The following SEMA5A variants were observed in gnomAD, a reference collection of about 807,000 sequenced individuals.
SEMA5A encodes semaphorin 5A.
In SEMA5A, 55 loss-of-function variants were observed where a neutral mutation model predicts 135.5. That is an observed-to-expected ratio of 0.41 (90% CI 0.33 to 0.51). SEMA5A has a LOEUF of 0.51. SEMA5A is among the 20% of genes least tolerant of loss of function. The pLI is 0.37. For missense variants in SEMA5A, 1,290 were observed against 1,419.9 expected, an observed-to-expected ratio of 0.91 and a Z score of 1.47; for synonymous variants, 580 against 546.5, an observed-to-expected ratio of 1.06 and a Z score of -0.85.
intron 16 of SEMA5A, among the ~76,000 whole-genome samples, chr5:9,092,399 A>G (rs546381352): frequency 1.3e-5 from 2 of 152,358 alleles, no homozygotes; most frequent in Admixed American, 6.5e-5. Flanking sequence ...GAGGCTCTCT[A>G]TAATAGTTGC....
At chr5:9,341,277 C>T (rs747136478) in intron 3 of SEMA5A, among the ~76,000 whole-genome samples, 2 of 151,918 alleles carry the variant, frequency 1.3e-5, no homozygotes, top group African/African-American at 2.4e-5. Flanking sequence ...GCAAGGATGG[C>T]TCAGCAAGCT....
intron 5 of SEMA5A, among the ~76,000 whole-genome samples, chr5:9,311,153 G>T (rs1355571855): frequency 6.6e-6 from 1 of 151,484 alleles, no homozygotes; most frequent in South Asian, 2.1e-4. Context: ...CAACGGGGGG[G>T]TCCTGCTCTG....
At chr5:9,044,694 T>C (rs1736154109) in intron 21 of SEMA5A, 110 bp from the exon 22 acceptor site, 22 of 867,292 alleles carry the variant, frequency 2.5e-5, no homozygotes, top group Non-Finnish European at 4.0e-5. Flanking sequence ...TCATCCCCAT[T>C]CCAAAATTAA....
At chr5:9,353,207 A>G (rs1754254713) in intron 3 of SEMA5A, among the ~76,000 whole-genome samples, 2 of 137,646 alleles carry the variant, frequency 1.5e-5, no homozygotes, top group African/African-American at 2.9e-5. Flanking sequence ...AAAGGAAAGG[A>G]AAGGAAAGGA....
intron 8 of SEMA5A, among the ~76,000 whole-genome samples, chr5:9,219,346 T>C (rs1003983515): frequency 6.6e-5 from 10 of 151,384 alleles, no homozygotes; most frequent in African/African-American, 2.4e-4. Context: ...AGGGAAGGAG[T>C]TGGCTGAGAT....
intron 13 of SEMA5A, among the ~76,000 whole-genome samples, chr5:9,127,179 A>C (rs576836942): frequency 2.6e-5 from 4 of 152,336 alleles, no homozygotes; most frequent in Admixed American, 2.6e-4. Context: ...GCAAGGTGGA[A>C]TCAGTCATGC....
intron 10 of SEMA5A, among the ~76,000 whole-genome samples, chr5:9,195,650 T>A (rs114640285): frequency 0.015 from 2,286 of 152,332 alleles, 56 homozygotes; most frequent in African/African-American, 0.052. Context: ...CATAATTTGC[T>A]CAAGGAAAGC....
intron 13 of SEMA5A, among the ~76,000 whole-genome samples, chr5:9,125,219 C>A (rs1434933816): frequency 1.3e-5 from 2 of 152,192 alleles, no homozygotes; most frequent in Non-Finnish European, 2.9e-5. Flanking sequence ...CATTTTCTAT[C>A]CAGTAAGGTG....
chr5:9,091,104 A>C (rs1296234263), intron 16 of SEMA5A, among the ~76,000 whole-genome samples: 1 of 152,186 alleles, frequency 6.6e-6, no homozygotes, highest in Non-Finnish European at 1.5e-5. Context: ...GTAAACTCAC[A>C]GTCACCCCTA....
At chr5:9,186,285 A>T (rs1412130129) in intron 11 of SEMA5A, among the ~76,000 whole-genome samples, 6 of 152,220 alleles carry the variant, frequency 3.9e-5, no homozygotes, top group Non-Finnish European at 5.9e-5. Flanking sequence ...TAGTGGCAGC[A>T]GTGGGAAATG....
rs1176889691 is a variant in SEMA5A at position 9,400,500 on chromosome 5, C to CTTT, written c.-77-20478_-77-20477insAAA. Among the ~76,000 whole-genome samples the CTTT allele has an allele frequency of 5.7e-3, 486 of 85,262 alleles. 30 individuals are homozygous for CTTT. The highest frequency in any genetic ancestry group is 9.6e-3 in the African/African-American group (197 of 20,602). The allele number at this position is 85,262 out of a possible 152,430, so 55.9% of individuals were successfully genotyped here. A position where few individuals can be genotyped will look rare whatever the true frequency, so the allele number is the denominator to read the frequency against. ...TCTTCAATAGTTTGAACACAATGTA[C>CTTT]ATTTTTTTTTTTTTTTTTTTTTTTG... On this transcript the variant is annotated intron_variant, in intron 2 of 22. Coordinates refer to ENST00000382496, the MANE Select transcript of SEMA5A (RefSeq NM_003966.3).
At chr5:9,517,180 A>G (rs1736578714) in intron 1 of SEMA5A, 1 of 152,202 alleles carries the variant, frequency 6.6e-6, no homozygotes, top group Non-Finnish European at 1.5e-5. Flanking sequence ...TGTGGCCACT[A>G]CTGAACTACC....
At chr5:9,101,197 T>A (rs184359927) in intron 16 of SEMA5A, among the ~76,000 whole-genome samples, 3 of 152,354 alleles carry the variant, frequency 2.0e-5, no homozygotes, top group East Asian at 3.9e-4. Context: ...TCATTGGTGT[T>A]TAAGTTAATC....
intron 12 of SEMA5A, among the ~76,000 whole-genome samples, chr5:9,144,135 T>C (rs1742205722): frequency 6.6e-6 from 1 of 152,222 alleles, no homozygotes; most frequent in African/African-American, 2.4e-5. Context: ...TTCCACATTC[T>C]CTATTCCATA....
At chr5:9,517,231 G>A (rs906410518) in intron 1 of SEMA5A, 4 of 152,210 alleles carry the variant, frequency 2.6e-5, no homozygotes, top group African/African-American at 9.6e-5. Flanking sequence ...AGCCTATGGG[G>A]AATGCCACAT....
intron 4 of SEMA5A, among the ~76,000 whole-genome samples, chr5:9,329,144 C>T (rs528505191): frequency 8.5e-5 from 13 of 152,234 alleles, no homozygotes; most frequent in South Asian, 2.1e-4. Context: ...CTCTTCAGAT[C>T]GATGCACCAT....
At chr5:9,529,583 T>C (rs1234532129) in intron 1 of SEMA5A, among the ~76,000 whole-genome samples, 2 of 152,256 alleles carry the variant, frequency 1.3e-5, no homozygotes, top group Admixed American at 6.5e-5. Flanking sequence ...CATTGACCTA[T>C]AGGCCTCTGC....
chr5:9,275,623 A>C (rs10051740), intron 5 of SEMA5A, among the ~76,000 whole-genome samples: 1,561 of 152,300 alleles, frequency 0.01, 19 homozygotes, highest in African/African-American at 0.032. Flanking sequence ...GCACATCAAA[A>C]AGCTTGTCCA....
rs964951582 is a variant in SEMA5A, at chr5:9,337,884, A to G, written c.125-72T>C. 7 of 1,012,632 alleles carry G rather than the reference A, an allele frequency of 6.9e-6. No individual in the cohort carries two copies. In the Admixed American group the frequency reaches 1.5e-4, roughly 22 times the overall value. The allele number at this position is 1,012,632 out of a possible 1,614,324, so 62.7% of individuals were successfully genotyped here. On this transcript the variant is annotated intron_variant, in intron 3 of 22. Coordinates refer to ENST00000382496, the MANE Select transcript of SEMA5A (RefSeq NM_003966.3). ...TTCCTCTGGGGACCACAGATAGTGC[A>G]CATCAGGTAGCAGACGTTACATTTC...
Sources: allele counts gnomAD v4.1 joint callset (sites outside exome capture counted in the v4.1 genomes callset), GRCh38; gene constraint gnomAD v4.1.1; transcripts MANE v1.5; gene names NCBI Gene and HGNC (gene_info 2026-07-23, HGNC 2026-07-21).